RASAL1: variants seen among roughly 807,000 people sequenced by gnomAD.
RASAL1 encodes RAS protein activator like 1.
Under a neutral mutation model 96.6 loss-of-function variants are expected in RASAL1, and 72 were observed. That is an observed-to-expected ratio of 0.75 (90% CI 0.62 to 0.91). The LOEUF (loss-of-function observed/expected upper bound fraction) is 0.91, where lower values mean the gene tolerates loss of function less well. Among genes scored for constraint, RASAL1 ranks in the 40% least tolerant of loss-of-function variants. RASAL1 has a pLI of 0.00. For missense variants in RASAL1, 1,016 were observed against 1,072.5 expected (o/e 0.95, Z 0.74); for synonymous variants, 405 against 430.4 (o/e 0.94, Z 0.73).
intron 4 of RASAL1, among the ~76,000 whole-genome samples, chr12:113,124,845 A>G (rs1035482130): frequency 2.6e-5 from 4 of 152,276 alleles, no homozygotes; most frequent in African/African-American, 9.6e-5. Context: ...GCATTATTCA[A>G]TAAATGGTAT....
chr12:113,133,646 G>C (rs1188380785), intron 1 of RASAL1, among the ~76,000 whole-genome samples: 1 of 152,160 alleles, frequency 6.6e-6, no homozygotes, highest in Non-Finnish European at 1.5e-5. Flanking sequence ...AAGAGGGAAA[G>C]AACACACCCC....
In RASAL1 at chr12:113,117,087, G is replaced by A. The variant is rs752504619; in HGVS notation, c.717C>T (p.Ala239=). ...GWFRLLPFPR[A]EEDSGGNLGA... The stretch of plus-strand genomic sequence containing the variant: ...CCCACATTTACCCAGAATCCTCCTC[G>A]GCTCTGGGAAAGGGCAGGAGGCGGA... Residue 239 remains alanine, a synonymous_variant, in exon 8 of 21, where the codon GCC becomes GCT. Coordinates refer to ENST00000548055, the MANE Select transcript of RASAL1 (RefSeq NM_001301202.2). The A allele has an allele frequency of 1.6e-5, 26 of 1,605,648 alleles. No homozygotes were observed. The highest frequency in any genetic ancestry group is 3.4e-5 in the Admixed American group (2 of 59,570).
At chr12:113,111,140 C>T (rs1186864586) in intron 13 of RASAL1, among the ~76,000 whole-genome samples, 3 of 152,166 alleles carry the variant, frequency 2.0e-5, no homozygotes, top group Admixed American at 1.3e-4. Context: ...CTCACAGCAT[C>T]TGAGTTTTCA....
Position 113,114,848 on chromosome 12 carries a change from T to C in RASAL1, c.1133A>G (p.Lys378Arg). The change falls in exon 12 of 21, where the codon AAG (lysine) becomes AGG (arginine). Residue 378 changes from lysine (K) to arginine (R), a missense_variant. Physicochemically the swap from Lys to Arg is conservative, Grantham distance 26. Coordinates refer to ENST00000548055, the MANE Select transcript of RASAL1 (RefSeq NM_001301202.2). ...KPVISRVFEE[K>R]KYMELDPCKM... ...GCAGGGATCCAGCTCCATGTACTTC[T>C]TCTCCTCAAAGACACGGCTAATCAC... 1 of 1,614,182 alleles carries C rather than the reference T, an allele frequency of 6.2e-7. No homozygotes were observed. Among genetic ancestry groups the C allele is most frequent in the South Asian group, 1.1e-5 (1 of 91,088 alleles).
At chr12:113,105,649 C>G (rs1320175409) in intron 16 of RASAL1, 65 bp downstream of exon 16, 1 of 1,484,556 alleles carries the variant, frequency 6.7e-7, no homozygotes, top group Non-Finnish European at 9.1e-7. Context: ...CCCCTGGGTA[C>G]AAAGAGGCAG....
intron 16 of RASAL1, among the ~76,000 whole-genome samples, chr12:113,105,240 C>T (rs1268305790): frequency 1.3e-5 from 2 of 152,268 alleles, no homozygotes; most frequent in Non-Finnish European, 2.9e-5. Flanking sequence ...TTGTTCACTT[C>T]TGTATCTCCA....
chr12:113,105,600 G>T, intron 16 of RASAL1, 114 bp downstream of exon 16: 1 of 1,148,516 alleles, frequency 8.7e-7, no homozygotes, highest in Non-Finnish European at 1.2e-6. Flanking sequence ...AAGTTGCTAT[G>T]GCATCTTGGG....
Position 113,117,131 on chromosome 12 carries a change from T to C in RASAL1, c.673A>G (p.Lys225Glu), listed in dbSNP as rs1350197361. 2 of 1,609,294 alleles carry C rather than the reference T, an allele frequency of 1.2e-6. No individual in the cohort carries two copies. The highest frequency in any genetic ancestry group is 1.3e-5 in the African/African-American group (1 of 74,762). ...VEFSPKTLQQ[K>E]PPKGWFRLLP... ...AGGCGGAACCAGCCTTTAGGTGGCT[T>C]CTGCTGGAGGGTCTTTGGAGAGAAC... Residue 225 changes from lysine to glutamate, a missense_variant, in exon 8 of 21, where the codon AAG becomes GAG. By Grantham distance (56) the Lys-to-Glu change is moderately conservative (BLOSUM62 1). Transcript: ENST00000548055.
chr12:113,103,133 A>T (rs1032125059), intron 18 of RASAL1: 2 of 235,300 alleles, frequency 8.5e-6, no homozygotes, highest in African/African-American at 4.7e-5. Context: ...GTAATACATC[A>T]TTATATATTG....
chr12:113,128,972 G>GACACACACACAC (rs35122341), intron 2 of RASAL1, among the ~76,000 whole-genome samples: 24 of 142,828 alleles, frequency 1.7e-4, no homozygotes, highest in African/African-American at 5.6e-4. Flanking sequence ...CACAGTCACT[G>GACACACACACAC]ACACACACAC....
At chr12:113,132,442 C>A (rs1001776470) in intron 1 of RASAL1, among the ~76,000 whole-genome samples, 54 of 152,162 alleles carry the variant, frequency 3.5e-4, no homozygotes, top group African/African-American at 9.7e-4. Flanking sequence ...TTATGGAGTG[C>A]TCTCTCTGGA....
At position 113,115,995 on chromosome 12, in the gene RASAL1, G is replaced by A; in HGVS notation, c.788C>T (p.Pro263Leu). Residue 263 changes from proline to leucine, a missense_variant, in exon 9 of 21, where the codon CCC (proline) becomes CTC (leucine). By Grantham distance (98) the Pro-to-Leu change is moderately conservative. Coordinates refer to ENST00000548055, the MANE Select transcript of RASAL1 (RefSeq NM_001301202.2). The surrounding 1 kb of genome is among the most constrained non-coding windows in gnomAD (Gnocchi z 4.1). ...KVRLIEDRVL[P>L]SQCYQPLMEL... The stretch of plus-strand genomic sequence containing the variant: ...CATGAGAGGCTGGTAGCACTGGGAG[G>A]GCAGGACGCGGTCCTCAATCAGGCG... 6.2e-7 allele frequency: 1 copy of A among 1,610,530 alleles called. No individual in the cohort carries two copies. The highest frequency in any genetic ancestry group is 8.5e-7 in the Non-Finnish European group (1 of 1,177,970).
rs1403792649 is a variant in RASAL1, at chr12:113,100,085, A to G, written c.2279-17T>C. ...GACAGGCCCCTAGGAGGGAGACAAGAGGCCACAGGGGCTCAGCCAGTCCAG... is the reference window on the plus strand; with the variant it reads ...GACAGGCCCCTAGGAGGGAGACAAGGGGCCACAGGGGCTCAGCCAGTCCAG... On this transcript the variant is annotated splice_polypyrimidine_tract_variant and intron_variant, in intron 20 of 20. Coordinates refer to ENST00000548055, the MANE Select transcript of RASAL1 (RefSeq NM_001301202.2). 2.5e-6 allele frequency: 4 copies of G among 1,585,696 alleles called. No homozygotes were observed. The highest frequency in any genetic ancestry group is 3.4e-6 in the Non-Finnish European group (4 of 1,163,924).
At chr12:113,104,864 A>G (rs1403054436) in intron 16 of RASAL1, among the ~76,000 whole-genome samples, 3 of 152,192 alleles carry the variant, frequency 2.0e-5, no homozygotes, top group African/African-American at 7.2e-5. Flanking sequence ...TACCACTTCT[A>G]TGGTACTTGG....
intron 12 of RASAL1, among the ~76,000 whole-genome samples, chr12:113,114,473 CAAAA>C (rs35235298): frequency 5.0e-5 from 7 of 138,820 alleles, no homozygotes; most frequent in Admixed American, 1.4e-4. Context: ...AACCTTGTCT[CAAAA>C]AAAAAAAAAA....
At position 113,112,080 on chromosome 12, in the gene RASAL1, G is replaced by A; in HGVS notation, c.1374+6C>T. 2 of 1,238,928 alleles carry A rather than the reference G, an allele frequency of 1.6e-6. No individual in the cohort carries two copies. Among genetic ancestry groups the A allele is most frequent in the Non-Finnish European group, 2.0e-6 (2 of 989,096 alleles). 76.7% of individuals were successfully genotyped at this position (1,238,928 alleles called of 1,614,324 possible). On this transcript the variant is annotated splice_donor_region_variant and intron_variant, in intron 13 of 20. Coordinates refer to ENST00000548055, the MANE Select transcript of RASAL1 (RefSeq NM_001301202.2). ...TCCCCAGCCTCAGCCTCCCATCCTG[G>A]CGCACCTGGTGCTCGGCCTGGGGGA...
At position 113,121,565 on chromosome 12, in the gene RASAL1, C is replaced by T; in HGVS notation, c.372G>A (p.Val124=). The T allele has an allele frequency of 6.2e-7, 1 of 1,614,234 alleles. No homozygotes were observed. Among genetic ancestry groups the T allele is most frequent in the East Asian group, 2.2e-5 (1 of 44,886 alleles). ...AEVQGEICLS[V]QMLEDGQGRC... ...GGCCCTGCCCATCCTCCAGCATCTG[C>T]ACTGACAGGCAGATCTCACCCTGCA... The change falls in exon 5 of 21, where the codon GTG becomes GTA. Residue 124 remains valine, a synonymous_variant. Transcript: ENST00000548055.
intron 15 of RASAL1, 38 bp from the exon 16 acceptor site, chr12:113,105,924 C>T: frequency 1.3e-6 from 2 of 1,577,332 alleles, no homozygotes; most frequent in South Asian, 2.3e-5. Context: ...ACAGTGAGCC[C>T]TCCCTAACCA....
chr12:113,107,152 A>T lies in RASAL1; in HGVS notation c.1602T>A (p.Cys534Ter), dbSNP rs752747728. 6.2e-7 allele frequency: 1 copy of T among 1,613,904 alleles called. No individual in the cohort carries two copies. Among genetic ancestry groups the T allele is most frequent in the South Asian group, 1.1e-5 (1 of 91,034 alleles). Reference sequence around the variant, plus strand: ...CCAGGAAGTCTCTCACACGTGAGACACACTGCAGCAGGAAGGGGTGCAGGG... The same window carrying T: ...CCAGGAAGTCTCTCACACGTGAGACTCACTGCAGCAGGAAGGGGTGCAGGG... ...MAPLHPFLLQ[C>*]VSRVRDFLDR... Residue 534 changes from cysteine to a stop codon, truncating the protein, a stop_gained, in exon 15 of 21, where the codon TGT becomes TGA. Coordinates refer to ENST00000548055, the MANE Select transcript of RASAL1 (RefSeq NM_001301202.2). LOFTEE classifies it high-confidence loss of function.
Sources: allele counts gnomAD v4.1 joint callset (sites outside exome capture counted in the v4.1 genomes callset), GRCh38; gene constraint gnomAD v4.1.1; non-coding constraint Gnocchi (gnomAD v3.1); transcripts MANE v1.5; gene names NCBI Gene and HGNC (gene_info 2026-07-23, HGNC 2026-07-21).